TRAPPC5: variants seen among roughly 807,000 people sequenced by gnomAD.
The protein encoded by TRAPPC5 is trafficking protein particle complex 5.
TRAPPC5 carries 5 observed loss-of-function variants against 9.8 expected under a neutral mutation model. That is an observed-to-expected ratio of 0.51 (90% confidence interval 0.27 to 1.07). The LOEUF is 1.07. TRAPPC5 is among the 50% of genes least tolerant of loss of function. The pLI is 0.12. For synonymous variants in TRAPPC5, 146 were observed against 140.7 expected (o/e 1.04, Z -0.26); for missense variants, 243 against 291.5 (o/e 0.83, Z 1.21).
Position 7,684,100 on chromosome 19 carries a change from G to A in TRAPPC5, c.*1280G>A, listed in dbSNP as rs552288906. On this transcript the variant is annotated 3_prime_UTR_variant, in exon 2 of 2. Coordinates refer to ENST00000596148, the MANE Select transcript of TRAPPC5 (RefSeq NM_001042462.2). ...CGTGAGCCAAATCAAAGTGTGTTCT[G>A]TAGATCAGCAGTAGCAGCATCAACT... 7 of 152,260 alleles carry A rather than the reference G, an allele frequency of 4.6e-5. No homozygotes were observed. The highest frequency in any genetic ancestry group is 7.3e-5 in the Non-Finnish European group (5 of 68,074). 9.4% of individuals were successfully genotyped at this position (152,260 alleles called of 1,614,324 possible).
Position 7,682,056 on chromosome 19 carries a change from C to T in TRAPPC5, c.-12-186C>T, listed in dbSNP as rs116302064. On this transcript the variant is annotated intron_variant, in intron 1 of 1. Coordinates refer to ENST00000596148, the MANE Select transcript of TRAPPC5 (RefSeq NM_001042462.2). This position sits in a 1 kb window ranked among gnomAD's most constrained non-coding sequence, Gnocchi z 8.6. ...AAGACTCCCCCCTCCCTTGATTTATCTGGTTACGTGTAATCGAGGCGTGTT... is the reference window on the plus strand; with the variant it reads ...AAGACTCCCCCCTCCCTTGATTTATTTGGTTACGTGTAATCGAGGCGTGTT... 1.1e-3 allele frequency among the ~76,000 whole-genome samples: 170 copies of T among 152,340 alleles called. No individual in the cohort carries two copies. Among genetic ancestry groups the T allele is most frequent in the African/African-American group, 3.6e-3 (149 of 41,586 alleles).
In TRAPPC5 at chr19:7,681,540, G is replaced by A. The variant is rs143101787; in HGVS notation, c.-13+662G>A. Among the ~76,000 whole-genome samples the A allele has an allele frequency of 6.6e-3, 1,009 of 152,210 alleles. 11 individuals are homozygous for A. The highest frequency in any genetic ancestry group is 0.022 in the African/African-American group (919 of 41,530). ...CAGGCCCATCCGCGTCTCAAAGGAC[G>A]AAGGGTTCCTGCGTGACACATCGGA... On this transcript the variant is annotated intron_variant, in intron 1 of 1. Coordinates refer to ENST00000596148, the MANE Select transcript of TRAPPC5 (RefSeq NM_001042462.2). This position sits in a 1 kb window ranked among gnomAD's most constrained non-coding sequence, Gnocchi z 8.7.
rs761870565 is a variant in TRAPPC5 at position 7,682,823 on chromosome 19, C to T, written c.*3C>T. The stretch of plus-strand genomic sequence containing the variant: ...ACCGGGCCCTGGAGGGCCGCTGACC[C>T]TGCCGGAGATAAAGGATACAGAGAG... On this transcript the variant is annotated 3_prime_UTR_variant, in exon 2 of 2. Coordinates refer to ENST00000596148, the MANE Select transcript of TRAPPC5 (RefSeq NM_001042462.2). This position sits in a 1 kb window ranked among gnomAD's most constrained non-coding sequence, Gnocchi z 8.6. 3 of 1,581,752 alleles carry T rather than the reference C, an allele frequency of 1.9e-6. No homozygotes were observed. The highest frequency in any genetic ancestry group is 3.5e-5 in the Admixed American group (2 of 56,810).
At position 7,682,378 on chromosome 19, in the gene TRAPPC5, G is replaced by A. The variant is rs1200411668; in HGVS notation, c.125G>A (p.Ser42Asn). ...LFSELVQHCQ[S>N]RVFSVAELQS... is the part of the protein sequence containing the mutation. The stretch of plus-strand genomic sequence containing the variant: ...TCCGAGCTGGTACAGCACTGCCAGA[G>A]CCGCGTCTTCTCCGTGGCCGAGCTG... The change falls in exon 2 of 2, where the codon AGC (serine) becomes AAC (asparagine). Residue 42 changes from serine to asparagine, a missense_variant. Around this residue, in one of 2 missense-constraint regions of TRAPPC5, gnomAD observed 89 missense variants for 75.7 expected, o/e 1.18. Transcript: ENST00000596148. The surrounding 1 kb of genome is among the most constrained non-coding windows in gnomAD (Gnocchi z 8.6). 4 of 1,569,032 alleles carry A rather than the reference G, an allele frequency of 2.5e-6. No individual in the cohort carries two copies. The highest frequency in any genetic ancestry group is 2.6e-6 in the Non-Finnish European group (3 of 1,157,908).
rs780447972 is a variant in TRAPPC5, at chr19:7,682,475, G to A, written c.222G>A (p.Lys74=). 17 of 1,610,916 alleles carry A rather than the reference G, an allele frequency of 1.1e-5. No homozygotes were observed. The highest frequency in any genetic ancestry group is 1.4e-5 in the Non-Finnish European group (16 of 1,178,822). ...RVLDALVARE[K]GARRETKVLG... ...TGGATGCGCTGGTGGCGCGCGAAAA[G>A]GGTGCCCGGCGTGAGACCAAGGTGC... Residue 74 remains lysine (K), a synonymous_variant, in exon 2 of 2, where the codon AAG becomes AAA. Transcript: ENST00000596148. This position sits in a 1 kb window ranked among gnomAD's most constrained non-coding sequence, Gnocchi z 8.6.
In TRAPPC5 at chr19:7,682,265, C is replaced by T. The variant is rs2032649366; in HGVS notation, c.12C>T (p.Arg4=). The change falls in exon 2 of 2, where the codon CGC becomes CGT. Residue 4 remains arginine (R), a synonymous_variant. Transcript: ENST00000596148. This position sits in a 1 kb window ranked among gnomAD's most constrained non-coding sequence, Gnocchi z 8.6. ...AGGGTGGCGGCGGCATGGAGGCGCG[C>T]TTCACGCGCGGGAAGTCGGCGCTGC... The part of the protein sequence containing the change: MEA[R]FTRGKSALLE... 3 of 1,405,174 alleles carry T rather than the reference C, an allele frequency of 2.1e-6. No individual in the cohort carries two copies. In the East Asian group the frequency reaches 8.6e-5, roughly 40 times the overall value. The allele number at this position is 1,405,174 out of a possible 1,614,324, so 87.0% of individuals were successfully genotyped here.
rs2032697113 is a variant in TRAPPC5, at chr19:7,684,750, A to G, written c.*1930A>G. 6.6e-6 allele frequency: 1 copy of G among 152,240 alleles called. No individual in the cohort carries two copies. The highest frequency in any genetic ancestry group is 2.4e-5 in the African/African-American group (1 of 41,456). The allele number at this position is 152,240 out of a possible 1,614,324, so 9.4% of individuals were successfully genotyped here. A position where few individuals can be genotyped will look rare whatever the true frequency, so the allele number is the denominator to read the frequency against. On this transcript the variant is annotated 3_prime_UTR_variant, in exon 2 of 2. Coordinates refer to ENST00000596148, the MANE Select transcript of TRAPPC5 (RefSeq NM_001042462.2). ...CTACCTAATTTTTTGTATTTTTAGT[A>G]GAGATGAGGTTTCACTGTGTTGGCC...
In TRAPPC5 at chr19:7,682,807, T is replaced by C; in HGVS notation, c.554T>C (p.Leu185Pro). Residue 185 changes from leucine (L) to proline (P), a missense_variant, in exon 2 of 2, where the codon CTG (leucine) becomes CCG (proline). Physicochemically the swap from Leu to Pro is moderately conservative, Grantham distance 98. This residue lies in a region of TRAPPC5 where 154 missense variants were observed against 215.8 expected (regional missense o/e 0.71). Coordinates refer to ENST00000596148, the MANE Select transcript of TRAPPC5 (RefSeq NM_001042462.2). The surrounding 1 kb of genome is among the most constrained non-coding windows in gnomAD (Gnocchi z 8.6). ...GCAGTCATCGCTCGAGACCGGGCCC[T>C]GGAGGGCCGCTGACCCTGCCGGAGA... is the stretch of plus-strand genomic sequence containing the variant. ...EEAVIARDRA[L>P]EGR The C allele has an allele frequency of 6.3e-7, 1 of 1,597,270 alleles. No homozygotes were observed. Among genetic ancestry groups the C allele is most frequent in the Non-Finnish European group, 8.5e-7 (1 of 1,170,480 alleles).
chr19:7,682,331 G>C lies in TRAPPC5; in HGVS notation c.78G>C (p.Leu26=). Residue 26 remains leucine, a synonymous_variant, in exon 2 of 2, where the codon CTG becomes CTC. Transcript: ENST00000596148. The surrounding 1 kb of genome is among the most constrained non-coding windows in gnomAD (Gnocchi z 8.6). ...CGCGGCCGCGCACCGAGGTGAGCCT[G>C]AGCGCCTTCGCACTGCTGTTCTCCG... ...ALARPRTEVS[L]SAFALLFSEL... 1.9e-6 allele frequency: 3 copies of C among 1,543,022 alleles called. No homozygotes were observed. The highest frequency in any genetic ancestry group is 2.6e-6 in the Non-Finnish European group (3 of 1,148,384).
Position 7,682,271 on chromosome 19 carries a change from G to T in TRAPPC5, c.18G>T (p.Thr6=). Residue 6 remains threonine, a synonymous_variant, in exon 2 of 2, where the codon ACG becomes ACT. Coordinates refer to ENST00000596148, the MANE Select transcript of TRAPPC5 (RefSeq NM_001042462.2). This position sits in a 1 kb window ranked among gnomAD's most constrained non-coding sequence, Gnocchi z 8.6. MEARF[T]RGKSALLERA... is the part of the protein sequence containing the mutation. ...GCGGCGGCATGGAGGCGCGCTTCAC[G>T]CGCGGGAAGTCGGCGCTGCTGGAGC... is the stretch of plus-strand genomic sequence containing the variant. 7.1e-7 allele frequency: 1 copy of T among 1,412,732 alleles called. No individual in the cohort carries two copies. The allele number at this position is 1,412,732 out of a possible 1,614,324, so 87.5% of individuals were successfully genotyped here.
Sources: gnomAD v4.1 joint callset for allele counts (sites outside exome capture counted in the v4.1 genomes callset) on GRCh38, gnomAD v4.1.1 for gene constraint, gnomAD v4.1.1 regional missense constraint, Gnocchi (gnomAD v3.1) non-coding constraint, MANE v1.5 for transcripts, NCBI Gene and HGNC (gene_info 2026-07-23, HGNC 2026-07-21) for gene names.